The following TRIO variants were observed in gnomAD, a reference collection of about 807,000 sequenced individuals.
TRIO encodes the protein trio Rho guanine nucleotide exchange factor, also known as triple functional domain protein.
TRIO carries 58 observed loss-of-function variants against 351.9 expected under a neutral mutation model. The ratio of observed to expected loss-of-function variants is 0.16; its 90% CI spans 0.13 to 0.21. The LOEUF is 0.21. TRIO is among the 10% of genes least tolerant of loss of function. The pLI is 1.00. For synonymous variants in TRIO, 1,758 were observed against 1,595.7 expected (o/e 1.10, Z -2.42); for missense variants, 3,201 against 4,027.8 (o/e 0.79, Z 5.56).
Position 14,418,034 on chromosome 5 carries a change from T to C in TRIO, c.4960-1744T>C, listed in dbSNP as rs145795314. On this transcript the variant is annotated intron_variant, in intron 33 of 56. Transcript: ENST00000344204. ...TCACAGAAGAGTAGGGTGAGCCTGC[T>C]TCTGGTGATGAAGGCAGACACACAC... Among the ~76,000 whole-genome samples the C allele has an allele frequency of 2.1e-4, 32 of 152,222 alleles. No homozygotes were observed. The East Asian group carries it at 6.2e-3, about 30-fold the overall frequency.
At chr5:14,247,833 C>T (rs1264132376) in intron 1 of TRIO, among the ~76,000 whole-genome samples, 1 of 151,938 alleles carries the variant, frequency 6.6e-6, no homozygotes, top group African/African-American at 2.4e-5. Flanking sequence ...TTTGAGAGGC[C>T]GAGACAGGCA....
chr5:14,197,138 A>C (rs1790826135), intron 1 of TRIO, among the ~76,000 whole-genome samples: 1 of 152,206 alleles, frequency 6.6e-6, no homozygotes, highest in South Asian at 2.1e-4. Context: ...CAGAAGAAAA[A>C]AATCTACTTG....
At chr5:14,251,114 G>C (rs993602144) in intron 1 of TRIO, among the ~76,000 whole-genome samples, 1 of 152,202 alleles carries the variant, frequency 6.6e-6, no homozygotes, top group Non-Finnish European at 1.5e-5. Flanking sequence ...GGCCAGGACA[G>C]CTTTCTGCTC....
rs1455252424 is a variant in TRIO at position 14,143,619 on chromosome 5, C to A, written c.-107C>A. The A allele has an allele frequency of 5.6e-6, 2 of 355,304 alleles. No homozygotes were observed. Among genetic ancestry groups the A allele is most frequent in the Non-Finnish European group, 7.8e-6 (2 of 257,012 alleles). The allele number at this position is 355,304 out of a possible 1,614,324, so 22.0% of individuals were successfully genotyped here. A position where few individuals can be genotyped will look rare whatever the true frequency, so the allele number is the denominator to read the frequency against. On this transcript the variant is annotated 5_prime_UTR_variant, in exon 1 of 57. Coordinates refer to ENST00000344204, the MANE Select transcript of TRIO (RefSeq NM_007118.4). Reference sequence around the variant, plus strand: ...GGGCTCTGCGTCCGCGCGCCGGGCGCGGGCAGCTGGGTGCTCGGCGCCGCC... The same window carrying A: ...GGGCTCTGCGTCCGCGCGCCGGGCGAGGGCAGCTGGGTGCTCGGCGCCGCC...
intron 46 of TRIO, among the ~76,000 whole-genome samples, chr5:14,483,125 C>T (rs981380128): frequency 2.6e-5 from 4 of 152,190 alleles, no homozygotes; most frequent in African/African-American, 7.2e-5. Context: ...AAAGTTCACT[C>T]GGTGTCTTCT....
chr5:14,403,537 GAGGGTGCAGGTT>G (rs1213131146), intron 31 of TRIO, among the ~76,000 whole-genome samples: 10 of 114,160 alleles, frequency 8.8e-5, no homozygotes, highest in African/African-American at 1.5e-4. Flanking sequence ...AGGTTGTGGT[GAGGGTGCAGGTT>G]GTGAGGGTGC....
intron 11 of TRIO, among the ~76,000 whole-genome samples, chr5:14,337,865 G>T (rs1221009281): frequency 2.6e-5 from 4 of 152,096 alleles, no homozygotes; most frequent in Non-Finnish European, 5.9e-5. Flanking sequence ...ACTCAGTCCT[G>T]CCCCGGGCTG....
At chr5:14,501,999 C>T (rs754916881) in intron 53 of TRIO, among the ~76,000 whole-genome samples, 1 of 152,210 alleles carries the variant, frequency 6.6e-6, no homozygotes, top group African/African-American at 2.4e-5. Flanking sequence ...TCATTACTCA[C>T]AGGTGATTTA....
intron 34 of TRIO, among the ~76,000 whole-genome samples, chr5:14,434,494 T>C (rs561544389): frequency 2.0e-5 from 3 of 152,170 alleles, no homozygotes; most frequent in Non-Finnish European, 4.4e-5. Context: ...GTTTTTTTTT[T>C]ATTTTTAAAA....
intron 11 of TRIO, 98 bp from the exon 12 acceptor site, chr5:14,358,080 G>T (rs1229174421): frequency 4.9e-6 from 7 of 1,433,116 alleles, no homozygotes; most frequent in Non-Finnish European, 2.8e-6. Context: ...CCCAGGGCAA[G>T]TCACACACCG....
chr5:14,179,279 T>A (rs1789602319), intron 1 of TRIO, among the ~76,000 whole-genome samples: 1 of 152,200 alleles, frequency 6.6e-6, no homozygotes, highest in Non-Finnish European at 1.5e-5. Flanking sequence ...TACCATGTGC[T>A]AGACTCAAAC....
intron 16 of TRIO, 38 bp downstream of exon 16, chr5:14,367,017 A>G (rs900356243): frequency 3.7e-6 from 6 of 1,611,874 alleles, no homozygotes; most frequent in East Asian, 2.2e-5. Flanking sequence ...TGGCTCTTTC[A>G]TTCCTCAGGA....
At chr5:14,455,818 C>T (rs1032985510) in intron 34 of TRIO, among the ~76,000 whole-genome samples, 1 of 152,272 alleles carries the variant, frequency 6.6e-6, no homozygotes, top group African/African-American at 2.4e-5. Context: ...ACTCAGGAGC[C>T]CAGCTGGCTT....
rs559599391 is a variant in TRIO at position 14,152,980 on chromosome 5, G to A, written c.157+9098G>A. Among the ~76,000 whole-genome samples the A allele has an allele frequency of 3.9e-5, 6 of 152,292 alleles. No homozygotes were observed. In the East Asian group the frequency reaches 1.2e-3, roughly 29 times the overall value. ...CAGAATTTGCAGGATTCATTGTTAG[G>A]CCTTTCTCTCATACCTCATGGGTAT... On this transcript the variant is annotated intron_variant, in intron 1 of 56. Coordinates refer to ENST00000344204, the MANE Select transcript of TRIO (RefSeq NM_007118.4).
At chr5:14,330,506 A>G (rs914521165) in intron 9 of TRIO, among the ~76,000 whole-genome samples, 6 of 152,252 alleles carry the variant, frequency 3.9e-5, no homozygotes, top group Non-Finnish European at 5.9e-5. Context: ...TAATTTAATC[A>G]TTATTGCATG....
intron 54 of TRIO, among the ~76,000 whole-genome samples, 190 bp downstream of exon 54, chr5:14,502,847 C>T (rs550159168): frequency 2.0e-5 from 3 of 152,332 alleles, no homozygotes; most frequent in East Asian, 1.9e-4. Flanking sequence ...ATTTTCCACT[C>T]GGGTTCCAGC....
At chr5:14,390,428 C>G in intron 26 of TRIO, 128 bp downstream of exon 26, 2 of 839,444 alleles carry the variant, frequency 2.4e-6, no homozygotes, top group Non-Finnish European at 1.9e-6. Context: ...GAGAAATAGA[C>G]TTTACCTCAA....
intron 1 of TRIO, among the ~76,000 whole-genome samples, chr5:14,266,692 T>G (rs574889882): frequency 6.6e-6 from 1 of 152,344 alleles, no homozygotes; most frequent in Non-Finnish European, 1.5e-5. Context: ...AGGCAGTTTT[T>G]TGTGTGTTGG....
At position 14,497,161 on chromosome 5, in the gene TRIO, G is replaced by A; in HGVS notation, c.8019+144G>A. The stretch of plus-strand genomic sequence containing the variant: ...GCCCCGTGCCCTGCGTGTCCTGTAG[G>A]GTCTTGTTAGGGGCACTATGCTGGC... On this transcript the variant is annotated intron_variant, in intron 50 of 56. Transcript: ENST00000344204. The surrounding 1 kb of genome is among the most constrained non-coding windows in gnomAD (Gnocchi z 4.4). 1 of 1,231,618 alleles carries A rather than the reference G, an allele frequency of 8.1e-7. No homozygotes were observed. Among genetic ancestry groups the A allele is most frequent in the African/African-American group, 1.5e-5 (1 of 65,806 alleles). 76.3% of individuals were successfully genotyped at this position (1,231,618 alleles called of 1,614,324 possible). A position where few individuals can be genotyped will look rare whatever the true frequency, so the allele number is the denominator to read the frequency against.
Sources: gnomAD v4.1 joint callset for allele counts (sites outside exome capture counted in the v4.1 genomes callset) on GRCh38, gnomAD v4.1.1 for gene constraint, Gnocchi (gnomAD v3.1) non-coding constraint, MANE v1.5 for transcripts, NCBI Gene and HGNC (gene_info 2026-07-23, HGNC 2026-07-21) for gene names.